Variants in PRORP observed in about 807,000 individuals in gnomAD.
PRORP encodes protein only RNase P catalytic subunit, also known as mitochondrial ribonuclease P catalytic subunit.
In PRORP, 51 loss-of-function variants were observed where a neutral mutation model predicts 59.4. That is an observed-to-expected ratio of 0.86 (90% CI 0.69 to 1.08). The LOEUF is 1.08. Among genes scored for constraint, PRORP ranks in the 50% least tolerant of loss-of-function variants. PRORP has a pLI of 0.00. For synonymous variants in PRORP, 231 were observed against 245.6 expected (o/e 0.94, Z 0.55); for missense variants, 646 against 690.3 (o/e 0.94, Z 0.72).
chr14:35,207,597 T>C (rs1463348857), intron 5 of PRORP, among the ~76,000 whole-genome samples: 1 of 152,200 alleles, frequency 6.6e-6, no homozygotes, highest in African/African-American at 2.4e-5. Context: ...TATAACAAAG[T>C]TTAAAGAATG....
chr14:35,168,370 A>G (rs979331477), intron 4 of PRORP, among the ~76,000 whole-genome samples: 1 of 152,176 alleles, frequency 6.6e-6, no homozygotes, highest in African/African-American at 2.4e-5. Context: ...GATGTTGAGT[A>G]TTTTATAATA....
At chr14:35,255,740 C>T (rs1441025073) in intron 5 of PRORP, among the ~76,000 whole-genome samples, 2 of 152,030 alleles carry the variant, frequency 1.3e-5, no homozygotes, top group African/African-American at 4.8e-5. Flanking sequence ...TACATGATAC[C>T]ATAGGGATGC....
chr14:35,174,544 GA>G (rs1177613135), intron 4 of PRORP, among the ~76,000 whole-genome samples: 1 of 151,994 alleles, frequency 6.6e-6, no homozygotes, highest in African/African-American at 2.4e-5. Context: ...AATATTTGTT[GA>G]ATTAATGATT....
chr14:35,152,222 C>T (rs1450653750), intron 4 of PRORP, among the ~76,000 whole-genome samples: 1 of 152,182 alleles, frequency 6.6e-6, no homozygotes, highest in Non-Finnish European at 1.5e-5. Flanking sequence ...GGACACAGCA[C>T]ATGTTTCAGA....
chr14:35,186,548 C>T (rs990300403), intron 5 of PRORP, among the ~76,000 whole-genome samples: 1 of 151,810 alleles, frequency 6.6e-6, no homozygotes, highest in African/African-American at 2.4e-5. Flanking sequence ...CCATTGGTCC[C>T]TGGCAACCAC....
At chr14:35,158,170 G>A (rs768443148) in intron 4 of PRORP, 6 of 276,120 alleles carry the variant, frequency 2.2e-5, no homozygotes. Flanking sequence ...TTAGCTACAT[G>A]CTCCCTTCTT....
intron 4 of PRORP, among the ~76,000 whole-genome samples, chr14:35,174,571 T>G (rs2048396915): frequency 6.6e-6 from 1 of 152,050 alleles, no homozygotes. Flanking sequence ...AATCTTTACC[T>G]CTCCAAAACA....
intron 4 of PRORP, among the ~76,000 whole-genome samples, chr14:35,136,443 C>G (rs1302176065): frequency 6.8e-6 from 1 of 147,840 alleles, no homozygotes; most frequent in Non-Finnish European, 1.5e-5. Context: ...GGCGCAATCT[C>G]TGCTTACCGC....
chr14:35,222,027 A>T (rs1429939802), intron 5 of PRORP: 1 of 152,204 alleles, frequency 6.6e-6, no homozygotes, highest in Non-Finnish European at 1.5e-5. Flanking sequence ...TTTCCACCTG[A>T]ACGTAACCTT....
intron 5 of PRORP, among the ~76,000 whole-genome samples, chr14:35,192,963 A>G (rs2048920109): frequency 6.7e-6 from 1 of 149,426 alleles, no homozygotes; most frequent in Non-Finnish European, 1.5e-5. Flanking sequence ...ACTACAGTCC[A>G]GCCTGGGTGA....
chr14:35,259,234 A>G (rs1182619916), intron 5 of PRORP, among the ~76,000 whole-genome samples: 1 of 152,184 alleles, frequency 6.6e-6, no homozygotes. Context: ...CTCTGCTCTG[A>G]AGTCTATTTT....
At chr14:35,159,634 TAC>T (rs770219646) in intron 4 of PRORP, among the ~76,000 whole-genome samples, 1 of 152,222 alleles carries the variant, frequency 6.6e-6, no homozygotes, top group South Asian at 2.1e-4. Context: ...GTGTAATAAA[TAC>T]AGTTATTTAT....
intron 4 of PRORP, among the ~76,000 whole-genome samples, chr14:35,155,158 G>T (rs1251180169): frequency 6.6e-6 from 1 of 152,150 alleles, no homozygotes; most frequent in Non-Finnish European, 1.5e-5. Context: ...CTCCCAAAGT[G>T]CTGGGATTAC....
At chr14:35,179,326 G>T (rs1350825246) in intron 4 of PRORP, among the ~76,000 whole-genome samples, 1 of 152,094 alleles carries the variant, frequency 6.6e-6, no homozygotes, top group Non-Finnish European at 1.5e-5. Context: ...ATAATATCCT[G>T]CAGTGTTTTC....
intron 5 of PRORP, among the ~76,000 whole-genome samples, chr14:35,211,821 G>T (rs2049455383): frequency 6.6e-6 from 1 of 152,138 alleles, no homozygotes; most frequent in African/African-American, 2.4e-5. Context: ...ATTTCTTAAA[G>T]ATAACAATGA....
At chr14:35,198,226 A>G (rs568060699) in intron 5 of PRORP, among the ~76,000 whole-genome samples, 2 of 152,312 alleles carry the variant, frequency 1.3e-5, no homozygotes, top group South Asian at 2.1e-4. Flanking sequence ...ATAGAAACAA[A>G]TTGTTCAGAG....
At chr14:35,178,870 G>A (rs1595250265) in intron 4 of PRORP, among the ~76,000 whole-genome samples, 1 of 152,168 alleles carries the variant, frequency 6.6e-6, no homozygotes, top group East Asian at 1.9e-4. Flanking sequence ...TTTTTGCAGT[G>A]GCTGGTACCG....
At position 35,203,311 on chromosome 14, in the gene PRORP, G is replaced by A. The variant is rs2049204981; in HGVS notation, c.1275+22534G>A. Among the ~76,000 whole-genome samples the A allele has an allele frequency of 1.3e-5, 2 of 152,078 alleles. 1 individual carries two copies. Among genetic ancestry groups the A allele is most frequent in the East Asian group, 3.9e-4 (2 of 5,186 alleles). ...TTATTTAATTGCAATGATCACTTTA[G>A]CATTTGAAGAGTTTGAGGCCAGCCT... On this transcript the variant is annotated intron_variant, in intron 5 of 7. Transcript: ENST00000534898.
intron 2 of PRORP, 39 bp downstream of exon 2, chr14:35,124,270 A>G: frequency 2.2e-6 from 3 of 1,372,114 alleles, no homozygotes. Context: ...TTTATTCTTT[A>G]ATTTTTTTTT....
Sources: gnomAD v4.1 joint callset for allele counts (sites outside exome capture counted in the v4.1 genomes callset) on GRCh38, gnomAD v4.1.1 for gene constraint, MANE v1.5 for transcripts, NCBI Gene and HGNC (gene_info 2026-07-23, HGNC 2026-07-21) for gene names.